The following SGCZ variants were observed in gnomAD, a reference collection of about 807,000 sequenced individuals.
SGCZ encodes the protein zeta-sarcoglycan.
Under a neutral mutation model 41.3 loss-of-function variants are expected in SGCZ, and 40 were observed. That is an observed-to-expected ratio of 0.97 (90% confidence interval 0.75 to 1.26). The LOEUF (loss-of-function observed/expected upper bound fraction) is 1.26. Ranked by LOEUF, SGCZ falls within the 50% of genes most tolerant of loss-of-function variation. The pLI is 0.00. For synonymous variants in SGCZ, 206 were observed against 137.5 expected, an observed-to-expected ratio of 1.50 and a Z score of -3.49; for missense variants, 552 against 369.8, an observed-to-expected ratio of 1.49 and a Z score of -4.04.
Position 14,087,156 on chromosome 8 carries a change from A to G in SGCZ, c.*3287T>C, listed in dbSNP as rs1801543588. On this transcript the variant is annotated 3_prime_UTR_variant, in exon 8 of 8. Coordinates refer to ENST00000382080, the MANE Select transcript of SGCZ (RefSeq NM_139167.4). ...TAGATAAATAATTATGTGCCAAATT[A>G]TAAAACATATCATTCACAATAAAAT... 6.6e-6 allele frequency among the ~76,000 whole-genome samples: 1 copy of G among 151,630 alleles called. No individual in the cohort carries two copies. The highest frequency in any genetic ancestry group is 2.1e-4 in the South Asian group (1 of 4,830).
intron 1 of SGCZ, among the ~76,000 whole-genome samples, chr8:15,114,702 G>C (rs1003198526): frequency 5.3e-5 from 8 of 151,692 alleles, no homozygotes; most frequent in African/African-American, 1.9e-4. Flanking sequence ...TTTATACACA[G>C]GGTAGCGCTC....
rs1234954765 is a variant in SGCZ, at chr8:14,485,833, A to T, written c.234+68899T>A. ...ACTACTTTATATTTTCTCTAGAACA[A>T]TTTTTTTTTTTTTTTTTTTGAGACG... On this transcript the variant is annotated intron_variant, in intron 2 of 7. Coordinates refer to ENST00000382080, the MANE Select transcript of SGCZ (RefSeq NM_139167.4). Among the ~76,000 whole-genome samples, 31 of 103,380 alleles carry T rather than the reference A, an allele frequency of 3.0e-4. 1 individual carries two copies. The South Asian group carries it at 8.8e-3, about 29-fold the overall frequency. The allele number at this position is 103,380 out of a possible 152,430, so 67.8% of individuals were successfully genotyped here. A position where few individuals can be genotyped will look rare whatever the true frequency, so the allele number is the denominator to read the frequency against.
intron 1 of SGCZ, among the ~76,000 whole-genome samples, chr8:14,769,061 G>C (rs902977715): frequency 6.6e-6 from 1 of 151,842 alleles, no homozygotes; most frequent in Non-Finnish European, 1.5e-5. Context: ...CCGTCATCTG[G>C]TAGGTAGAAA....
At chr8:15,181,747 T>C (rs1040054006) in intron 1 of SGCZ, among the ~76,000 whole-genome samples, 1 of 152,224 alleles carries the variant, frequency 6.6e-6, no homozygotes, top group African/African-American at 2.4e-5. Context: ...AGTAAGTACC[T>C]ACATACATTT....
chr8:14,749,212 T>C (rs1364917549), intron 1 of SGCZ, among the ~76,000 whole-genome samples: 1 of 152,160 alleles, frequency 6.6e-6, no homozygotes, highest in Non-Finnish European at 1.5e-5. Flanking sequence ...ATTATTTTTA[T>C]TTGATTTACT....
intron 1 of SGCZ, among the ~76,000 whole-genome samples, chr8:15,153,815 T>C (rs1321818004): frequency 6.6e-6 from 1 of 152,116 alleles, no homozygotes; most frequent in African/African-American, 2.4e-5. Flanking sequence ...CAATTAAACC[T>C]GTGTTTAATT....
intron 3 of SGCZ, among the ~76,000 whole-genome samples, chr8:14,238,994 AT>A (rs1806870313): frequency 6.6e-6 from 1 of 151,428 alleles, no homozygotes; most frequent in Non-Finnish European, 1.5e-5. Context: ...TTCATATAAA[AT>A]TTTTATTTCG....
At position 15,073,433 on chromosome 8, in the gene SGCZ, A is replaced by G. The variant is rs138475046; in HGVS notation, c.39+164152T>C. On this transcript the variant is annotated intron_variant, in intron 1 of 7. Coordinates refer to ENST00000382080, the MANE Select transcript of SGCZ (RefSeq NM_139167.4). ...GTAACAATTCACAATAAATTAATAC[A>G]TAAGATTAATGAAAATGCAAGTCAT... Among the ~76,000 whole-genome samples, 565 of 152,302 alleles carry G rather than the reference A, an allele frequency of 3.7e-3. 6 individuals carry two copies. Among genetic ancestry groups the G allele is most frequent in the East Asian group, 9.8e-3 (51 of 5,178 alleles).
intron 1 of SGCZ, among the ~76,000 whole-genome samples, chr8:15,162,612 T>G (rs1799543234): frequency 6.6e-6 from 1 of 152,212 alleles, no homozygotes; most frequent in Non-Finnish European, 1.5e-5. Context: ...AATAACAAAT[T>G]CAGTCTAAAA....
Position 14,845,375 on chromosome 8 carries a change from AAGC to A in SGCZ, c.40-290452_40-290450del, listed in dbSNP as rs1373248582. 8.1e-3 allele frequency among the ~76,000 whole-genome samples: 1,231 copies of A among 152,340 alleles called. 19 individuals carry two copies. The highest frequency in any genetic ancestry group is 0.028 in the African/African-American group (1,152 of 41,580). On this transcript the variant is annotated intron_variant, in intron 1 of 7. Coordinates refer to ENST00000382080, the MANE Select transcript of SGCZ (RefSeq NM_139167.4). ...ACATAACTCAGTTGTATACCAAACA[AAGC>A]TTTTTGTTATACAAAAATACAAAAA...
At chr8:15,111,943 A>C (rs992594720) in intron 1 of SGCZ, among the ~76,000 whole-genome samples, 1 of 151,136 alleles carries the variant, frequency 6.6e-6, no homozygotes, top group East Asian at 1.9e-4. Flanking sequence ...TCATTTCTTT[A>C]TTTCATTCCT....
intron 4 of SGCZ, among the ~76,000 whole-genome samples, chr8:14,210,154 C>A (rs1585234779): frequency 6.6e-6 from 1 of 152,188 alleles, no homozygotes; most frequent in East Asian, 1.9e-4. Context: ...GCCTACCAGG[C>A]TCAAGCAATT....
intron 5 of SGCZ, among the ~76,000 whole-genome samples, chr8:14,118,258 T>C (rs1585150648): frequency 6.6e-6 from 1 of 152,102 alleles, no homozygotes; most frequent in East Asian, 1.9e-4. Context: ...GTTTCCTGAC[T>C]TTTTAATGAT....
intron 2 of SGCZ, among the ~76,000 whole-genome samples, chr8:14,465,132 C>A (rs1210130311): frequency 1.3e-5 from 2 of 151,674 alleles, no homozygotes; most frequent in East Asian, 3.9e-4. Context: ...TTCCTTACTT[C>A]TGATGTTTCT....
At chr8:14,121,061 G>T (rs994691310) in intron 5 of SGCZ, among the ~76,000 whole-genome samples, 1 of 152,102 alleles carries the variant, frequency 6.6e-6, no homozygotes, top group Admixed American at 6.5e-5. Context: ...CTAAGTCAAT[G>T]TGACTGTGAA....
intron 1 of SGCZ, among the ~76,000 whole-genome samples, chr8:15,113,000 G>C (rs1378033290): frequency 5.9e-5 from 9 of 152,284 alleles, no homozygotes; most frequent in Non-Finnish European, 4.4e-5. Flanking sequence ...CTTGGGCCCA[G>C]GAGTTTGAGA....
intron 1 of SGCZ, among the ~76,000 whole-genome samples, chr8:15,042,570 T>C (rs1308897743): frequency 6.6e-6 from 1 of 152,156 alleles, no homozygotes; most frequent in East Asian, 1.9e-4. Context: ...ATATTCCAAA[T>C]CTACAACCAG....
chr8:14,994,585 CA>C (rs72144514), intron 1 of SGCZ, among the ~76,000 whole-genome samples: 13,146 of 127,390 alleles, frequency 0.1, 880 homozygotes, highest in African/African-American at 0.2. Context: ...ACTGTGCATC[CA>C]AAAAAAAAAA....
chr8:14,784,233 G>C (rs1288694374), intron 1 of SGCZ, among the ~76,000 whole-genome samples: 1 of 151,022 alleles, frequency 6.6e-6, no homozygotes, highest in Non-Finnish European at 1.5e-5. Flanking sequence ...TTTTATTTTT[G>C]TAGAGACAAG....
Sources: allele counts gnomAD v4.1 joint callset (sites outside exome capture counted in the v4.1 genomes callset), GRCh38; gene constraint gnomAD v4.1.1; transcripts MANE v1.5; gene names NCBI Gene and HGNC (gene_info 2026-07-23, HGNC 2026-07-21).